AANAT: variants seen among roughly 807,000 people sequenced by gnomAD.
AANAT encodes the protein aralkylamine N-acetyltransferase, also known as serotonin N-acetyltransferase.
In AANAT, 11 loss-of-function variants were observed where a neutral mutation model predicts 15.6. The ratio of observed to expected loss-of-function variants is 0.71; its 90% CI spans 0.44 to 1.17. The LOEUF is 1.17. AANAT is among the 50% of genes most tolerant of loss of function. AANAT has a pLI of 0.00. For missense variants in AANAT, 286 were observed against 296.3 expected (o/e 0.97, Z 0.26); for synonymous variants, 139 against 131.5 (o/e 1.06, Z -0.39).
At chr17:76,462,623 C>G (rs2073399754), upstream of AANAT, 1 of 152,344 alleles carries the variant, frequency 6.6e-6, no homozygotes, top group African/African-American at 2.4e-5. Context: ...GAGACCTCTC[C>G]CCAATAAACT....
chr17:76,463,215 T>A (rs2073406275), upstream of AANAT, among the ~76,000 whole-genome samples: 1 of 151,684 alleles, frequency 6.6e-6, no homozygotes, highest in South Asian at 2.1e-4. Flanking sequence ...GTGCCTTTAA[T>A]CAACGGCCTC....
At chr17:76,461,605 CAAAAAAAAAAAAAA>C (rs10578887) in intron 2 of AANAT, among the ~76,000 whole-genome samples, 3 of 52,872 alleles carry the variant, frequency 5.7e-5, no homozygotes, top group African/African-American at 8.3e-5. Context: ...GAGCCTCCAC[CAAAAAAAAAAAAAA>C]AAAAAAAAAA....
chr17:76,454,815 T>A (rs1433892175), intron 1 of AANAT, among the ~76,000 whole-genome samples: 1 of 150,256 alleles, frequency 6.7e-6, no homozygotes, highest in Admixed American at 6.6e-5. Context: ...AGAGCAGGAC[T>A]CTGTCTCAAA....
rs1319119939 is a variant in AANAT at position 76,469,338 on chromosome 17, G to C, written c.318+11G>C. ...GAGAGACTCATGCAGGTGAGGACAG[G>C]GCTGCGACGCCCAGCTCCAGGGAGG... On this transcript the variant is annotated intron_variant, in intron 3 of 3. Transcript: ENST00000392492. The surrounding 1 kb of genome is among the most constrained non-coding windows in gnomAD (Gnocchi z 5.2). 5.6e-6 allele frequency: 9 copies of C among 1,613,486 alleles called. No individual in the cohort carries two copies. Among genetic ancestry groups the C allele is most frequent in the African/African-American group, 1.3e-5 (1 of 74,918 alleles).
chr17:76,462,321 ATCAC>A (rs1338558977), exon 3 of AANAT: 15 of 152,286 alleles, frequency 9.8e-5, no homozygotes, highest in African/African-American at 3.6e-4. Flanking sequence ...TACAGAATTT[ATCAC>A]CCTGGCAAGG....
chr17:76,461,426 C>T (rs1308388257), intron 2 of AANAT, among the ~76,000 whole-genome samples: 1 of 151,732 alleles, frequency 6.6e-6, no homozygotes, highest in Non-Finnish European at 1.5e-5. Flanking sequence ...GCCTGGCCAA[C>T]ATGGTGAAAC....
At chr17:76,466,340 G>A (rs185647134), upstream of AANAT, 5,835 of 880,898 alleles carry the variant, frequency 6.6e-3, 51 homozygotes, top group Non-Finnish European at 6.3e-3. Context: ...CTAGCAGGCA[G>A]GTGGGCCTCA....
intron 1 of AANAT, among the ~76,000 whole-genome samples, chr17:76,454,325 A>G (rs2073316004): frequency 6.6e-6 from 1 of 150,468 alleles, no homozygotes; most frequent in Non-Finnish European, 1.5e-5. Context: ...AAATACGGAA[A>G]AAAAAAAAAA....
intron 1 of AANAT, among the ~76,000 whole-genome samples, chr17:76,454,204 C>T (rs970510869): frequency 1.3e-5 from 2 of 152,034 alleles, no homozygotes; most frequent in Admixed American, 6.6e-5. Flanking sequence ...AGGCCGGGCG[C>T]GGCAGCTCAC....
upstream of AANAT, among the ~76,000 whole-genome samples, chr17:76,464,470 T>C (rs1241776354): frequency 1.3e-5 from 2 of 152,076 alleles, no homozygotes; most frequent in African/African-American, 4.8e-5. Context: ...AATGTGTAAA[T>C]CTGTCTGGGA....
At chr17:76,462,979 G>A (rs887812180), upstream of AANAT, among the ~76,000 whole-genome samples, 14 of 152,188 alleles carry the variant, frequency 9.2e-5, no homozygotes, top group African/African-American at 3.4e-4. Flanking sequence ...TTCAGTCTGG[G>A]TGTGAAACTG....
intron 2 of AANAT, among the ~76,000 whole-genome samples, chr17:76,460,334 T>G (rs1311050934): frequency 6.6e-6 from 1 of 151,882 alleles, no homozygotes; most frequent in African/African-American, 2.4e-5. Context: ...GTATTTTTAG[T>G]AGAGATGGGG....
At position 76,460,872 on chromosome 17, in the gene AANAT, G is replaced by C. The variant is rs144801527; in HGVS notation, c.-455-1444G>C. 4.1e-3 allele frequency among the ~76,000 whole-genome samples: 622 copies of C among 152,180 alleles called. 2 individuals carry two copies. Among genetic ancestry groups the C allele is most frequent in the African/African-American group, 0.014 (580 of 41,526 alleles). ...CTGCCTTTGAGTCACCCACCTCAAC[G>C]GAAGACTCTGGGCCGGGCGTGGTGG... On this transcript the variant is annotated intron_variant, in intron 2 of 6. Coordinates refer to the AANAT transcript ENST00000250615.
At chr17:76,454,322 G>GAAAAA (rs67911712) in intron 1 of AANAT, among the ~76,000 whole-genome samples, 1 of 139,292 alleles carries the variant, frequency 7.2e-6, no homozygotes, top group Admixed American at 7.2e-5. Flanking sequence ...TAAAAATACG[G>GAAAAA]AAAAAAAAAA....
chr17:76,460,129 A>ATTTTTTTTTTTTTTTTT (rs1567863927), intron 2 of AANAT, among the ~76,000 whole-genome samples: 1 of 82,888 alleles, frequency 1.2e-5, no homozygotes. Context: ...TACTTCAGGA[A>ATTTTTTTTTTTTTTTTT]ATTTTTTTTT....
upstream of AANAT, chr17:76,466,083 G>A (rs2073434976): frequency 2.6e-6 from 3 of 1,136,380 alleles, no homozygotes; most frequent in East Asian, 7.8e-5. Flanking sequence ...AGGGCCATGT[G>A]GAAGTCAGCA....
intron 2 of AANAT, among the ~76,000 whole-genome samples, chr17:76,460,683 G>A (rs1470845029): frequency 6.6e-6 from 1 of 152,142 alleles, no homozygotes; most frequent in Admixed American, 6.5e-5. Flanking sequence ...GGGCAGTTTG[G>A]CTCCATTACT....
chr17:76,461,681 G>A (rs931969167), intron 2 of AANAT, among the ~76,000 whole-genome samples: 5 of 151,458 alleles, frequency 3.3e-5, no homozygotes, highest in Non-Finnish European at 5.9e-5. Context: ...TCAGTGGTGG[G>A]TGCAACATCT....
At chr17:76,463,620 AT>A (rs1340876482), upstream of AANAT, among the ~76,000 whole-genome samples, 1 of 151,870 alleles carries the variant, frequency 6.6e-6, no homozygotes, top group Non-Finnish European at 1.5e-5. Flanking sequence ...TTCTGGAAGG[AT>A]TCTTAAAGGT....
Sources: gnomAD v4.1 joint callset for allele counts (sites outside exome capture counted in the v4.1 genomes callset) on GRCh38, gnomAD v4.1.1 for gene constraint, Gnocchi (gnomAD v3.1) non-coding constraint, MANE v1.5 for transcripts, NCBI Gene and HGNC (gene_info 2026-07-23, HGNC 2026-07-21) for gene names.